The following PTPRO variants were observed in gnomAD, a reference collection of about 807,000 sequenced individuals.
PTPRO encodes the protein protein tyrosine phosphatase receptor type O.
Under a neutral mutation model 145.2 loss-of-function variants are expected in PTPRO, and 62 were observed. That is an observed-to-expected ratio of 0.43 (90% CI 0.35 to 0.53). The LOEUF (loss-of-function observed/expected upper bound fraction) is 0.53, where lower values mean the gene tolerates loss of function less well. Among genes scored for constraint, PTPRO ranks in the 20% least tolerant of loss-of-function variants. The probability of loss-of-function intolerance (pLI) is 0.01; values close to 1 mark genes in which losing one functional copy is unlikely to be tolerated. For missense variants in PTPRO, 1,345 were observed against 1,482.7 expected (o/e 0.91, Z 1.53); for synonymous variants, 565 against 514.7 (o/e 1.10, Z -1.32).
rs554044850 is a variant in PTPRO at position 15,538,558 on chromosome 12, CAT to C, written c.2165-8010_2165-8009del. Among the ~76,000 whole-genome samples, 109 of 152,220 alleles carry C rather than the reference CAT, an allele frequency of 7.2e-4. 1 individual carries two copies. Among genetic ancestry groups the C allele is most frequent in the Non-Finnish European group, 1.3e-3 (85 of 68,000 alleles). ...CTTCTCTAAAGGCATTTCTCCTGCC[CAT>C]CATAAGGTACTGCATATTCTGCAGG... On this transcript the variant is annotated intron_variant, in intron 12 of 26. Transcript: ENST00000281171.
intron 1 of PTPRO, among the ~76,000 whole-genome samples, chr12:15,422,659 A>T (rs1033716424): frequency 2.0e-5 from 3 of 152,208 alleles, no homozygotes; most frequent in African/African-American, 7.2e-5. Flanking sequence ...CAAAGCGACC[A>T]TGTAGAAACG....
chr12:15,515,987 GTTTTGTTTTTTTTTT>G (rs1280732238), intron 8 of PTPRO, among the ~76,000 whole-genome samples: 2 of 80,662 alleles, frequency 2.5e-5, no homozygotes, highest in Admixed American at 1.3e-4. Context: ...TTTTTTTTTT[GTTTTGTTTTTTTTTT>G]TTTTTGGAGA....
chr12:15,547,608 T>C (rs1041492626), intron 13 of PTPRO, among the ~76,000 whole-genome samples: 7 of 152,222 alleles, frequency 4.6e-5, no homozygotes, highest in Admixed American at 4.6e-4. Context: ...TCTATGAATG[T>C]ATCTCTTGTT....
intron 19 of PTPRO, among the ~76,000 whole-genome samples, chr12:15,573,920 T>C (rs891259209): frequency 6.6e-6 from 1 of 152,164 alleles, no homozygotes; most frequent in African/African-American, 2.4e-5. Flanking sequence ...AGGAAAAAAA[T>C]GTTCCTAACT....
chr12:15,503,924 T>C lies in PTPRO; in HGVS notation c.1122T>C (p.Tyr374=), dbSNP rs1942269970. Residue 374 remains tyrosine (Y), a synonymous_variant, in exon 6 of 27, where the codon TAT becomes TAC. Transcript: ENST00000281171. ...HIEREENFTE[Y]LMVDEEAHEF... ...ATGATTTAGAGAACTTTACTGAATA[T>C]TTGATGGTGGATGAAGAAGCACATG... is the stretch of plus-strand genomic sequence containing the variant. 2 of 1,581,134 alleles carry C rather than the reference T, an allele frequency of 1.3e-6. No individual in the cohort carries two copies. The highest frequency in any genetic ancestry group is 4.5e-5 in the East Asian group (2 of 44,636).
At chr12:15,416,628 C>G (rs2136320827) in intron 1 of PTPRO, among the ~76,000 whole-genome samples, 1 of 151,618 alleles carries the variant, frequency 6.6e-6, no homozygotes, top group Non-Finnish European at 1.5e-5. Flanking sequence ...CGGTTCCTCT[C>G]TCTTAATTCA....
chr12:15,435,913 G>T (rs984388747), intron 1 of PTPRO, among the ~76,000 whole-genome samples: 4 of 152,150 alleles, frequency 2.6e-5, no homozygotes, highest in Non-Finnish European at 5.9e-5. Context: ...TAGCCAGGCT[G>T]GCTATACTTT....
chr12:15,486,041 T>C (rs1941879289), intron 2 of PTPRO, among the ~76,000 whole-genome samples: 1 of 152,166 alleles, frequency 6.6e-6, no homozygotes, highest in Non-Finnish European at 1.5e-5. Flanking sequence ...GAAGTTTCAA[T>C]AAGTACCGAC....
Position 15,376,750 on chromosome 12 carries a change from G to T in PTPRO, c.75+53949G>T, listed in dbSNP as rs899821595. 5.3e-5 allele frequency among the ~76,000 whole-genome samples: 8 copies of T among 152,092 alleles called. 1 individual carries two copies. Among genetic ancestry groups the T allele is most frequent in the African/African-American group, 1.9e-4 (8 of 41,410 alleles). On this transcript the variant is annotated intron_variant, in intron 1 of 26. Coordinates refer to ENST00000281171, the MANE Select transcript of PTPRO (RefSeq NM_030667.3). ...TTACATGACAGAATGGGGTCAGAGA[G>T]TTGTCTAGGGTTCTTTTAAATAAAG...
At chr12:15,540,023 T>G (rs1943149938) in intron 12 of PTPRO, among the ~76,000 whole-genome samples, 1 of 152,078 alleles carries the variant, frequency 6.6e-6, no homozygotes, top group African/African-American at 2.4e-5. Context: ...TCTAATAAAC[T>G]TCAGGTCTAA....
At chr12:15,569,569 G>T in intron 19 of PTPRO, 71 bp downstream of exon 19, 1 of 1,349,314 alleles carries the variant, frequency 7.4e-7, no homozygotes, top group Non-Finnish European at 1.1e-6. Context: ...TTGTGTTGCG[G>T]TCATGTCCCT....
At chr12:15,529,863 C>T (rs1942923900) in intron 12 of PTPRO, among the ~76,000 whole-genome samples, 1 of 152,060 alleles carries the variant, frequency 6.6e-6, no homozygotes, top group Non-Finnish European at 1.5e-5. Flanking sequence ...GTAGTAAATC[C>T]GTACTTAGCA....
chr12:15,501,213 A>G (rs977722793), intron 4 of PTPRO, among the ~76,000 whole-genome samples: 4 of 152,172 alleles, frequency 2.6e-5, no homozygotes, highest in Admixed American at 1.3e-4. Context: ...TTTCATCTTC[A>G]TAGCTATAAG....
intron 1 of PTPRO, among the ~76,000 whole-genome samples, chr12:15,399,849 G>C (rs539863978): frequency 6.6e-6 from 1 of 151,456 alleles, no homozygotes; most frequent in Admixed American, 6.6e-5. Context: ...TCAGGGGTTC[G>C]AGACCAACCT....
Position 15,344,367 on chromosome 12 carries a change from A to G in PTPRO, c.75+21566A>G, listed in dbSNP as rs377019693. On this transcript the variant is annotated intron_variant, in intron 1 of 26. Coordinates refer to ENST00000281171, the MANE Select transcript of PTPRO (RefSeq NM_030667.3). Reference sequence around the variant, plus strand: ...TTTCAGAGCACTCTTTTGCAAATAAATAATTCTGGATAGCCAAATTCTACT... The same window carrying G: ...TTTCAGAGCACTCTTTTGCAAATAAGTAATTCTGGATAGCCAAATTCTACT... 5.3e-5 allele frequency among the ~76,000 whole-genome samples: 8 copies of G among 152,350 alleles called. No homozygotes were observed. The South Asian group carries it at 8.3e-4, about 16-fold the overall frequency.
chr12:15,373,936 G>A (rs1053128748), intron 1 of PTPRO, among the ~76,000 whole-genome samples: 11 of 152,214 alleles, frequency 7.2e-5, no homozygotes, highest in Admixed American at 6.5e-4. Context: ...ATTTTGCGTG[G>A]TATGGGTCTC....
At chr12:15,587,086 A>T in intron 24 of PTPRO, 35 bp downstream of exon 24, 1 of 1,612,868 alleles carries the variant, frequency 6.2e-7, no homozygotes, top group Non-Finnish European at 8.5e-7. Flanking sequence ...ATTAAATATT[A>T]GGAGTTGGTT....
chr12:15,435,621 C>G lies in PTPRO; in HGVS notation c.76-48353C>G, dbSNP rs546280949. On this transcript the variant is annotated intron_variant, in intron 1 of 26. Transcript: ENST00000281171. ...CCTCTTTACCTGTATCAGTTTTTCT[C>G]TTTTCCTCATATTTCTCAAATATAT... Among the ~76,000 whole-genome samples the G allele has an allele frequency of 2.3e-3, 351 of 150,518 alleles. 1 individual carries two copies. Among genetic ancestry groups the G allele is most frequent in the Non-Finnish European group, 3.8e-3 (258 of 67,614 alleles).
chr12:15,482,556 T>C (rs967010312), intron 1 of PTPRO, among the ~76,000 whole-genome samples: 4 of 152,248 alleles, frequency 2.6e-5, no homozygotes, highest in African/African-American at 9.6e-5. Flanking sequence ...ATGATAAATG[T>C]TTGATGTGGT....
Sources: gnomAD v4.1 joint callset for allele counts (sites outside exome capture counted in the v4.1 genomes callset) on GRCh38, gnomAD v4.1.1 for gene constraint, MANE v1.5 for transcripts, NCBI Gene and HGNC (gene_info 2026-07-23, HGNC 2026-07-21) for gene names.